IGLON5: variants seen among roughly 807,000 people sequenced by gnomAD.
The protein encoded by IGLON5 is IgLON family member 5, also known as Ig-like domain-containing protein ENSP00000270642.
In IGLON5, 16 loss-of-function variants were observed where a neutral mutation model predicts 38.2. The ratio of observed to expected loss-of-function variants is 0.42; its 90% confidence interval spans 0.28 to 0.64. The LOEUF is 0.64. Ranked by LOEUF, IGLON5 falls within the 30% of genes least tolerant of loss-of-function variation. The pLI is 0.23. For missense variants in IGLON5, 366 were observed against 483.4 expected, an observed-to-expected ratio of 0.76 and a Z score of 2.28; for synonymous variants, 207 against 216.4, an observed-to-expected ratio of 0.96 and a Z score of 0.38.
Position 51,327,992 on chromosome 19 carries a change from A to C in IGLON5, c.922+106A>C. 8.4e-7 allele frequency: 1 copy of C among 1,184,840 alleles called. No homozygotes were observed. The highest frequency in any genetic ancestry group is 1.6e-5 in the South Asian group (1 of 62,056). The allele number at this position is 1,184,840 out of a possible 1,614,324, so 73.4% of individuals were successfully genotyped here. ...CCTTCAGGCTGGCCCTGAACTTAGG[A>C]GATGGACGCTGAGACTGAAAAGCAA... On this transcript the variant is annotated intron_variant, in intron 7 of 7. Transcript: ENST00000270642. The surrounding 1 kb of genome is among the most constrained non-coding windows in gnomAD (Gnocchi z 7.1).
rs1985182958 is a variant in IGLON5, at chr19:51,325,209, G to A, written c.392-137G>A. 8.1e-7 allele frequency: 1 copy of A among 1,236,574 alleles called. No homozygotes were observed. The highest frequency in any genetic ancestry group is 1.1e-6 in the Non-Finnish European group (1 of 887,070). 76.6% of individuals were successfully genotyped at this position (1,236,574 alleles called of 1,614,324 possible). A position where few individuals can be genotyped will look rare whatever the true frequency, so the allele number is the denominator to read the frequency against. ...GGTCTGAACTCCCGGGTCTGAGGGA[G>A]GAGGGGCTGGGGGTCTGAACTCCTG... On this transcript the variant is annotated intron_variant, in intron 3 of 7. Transcript: ENST00000270642. The surrounding 1 kb of genome is among the most constrained non-coding windows in gnomAD (Gnocchi z 5.5).
In IGLON5 at chr19:51,311,904, C is replaced by T. The variant is rs1984773576; in HGVS notation, c.57C>T (p.Ala19=). 4 of 1,365,564 alleles carry T rather than the reference C, an allele frequency of 2.9e-6. No individual in the cohort carries two copies. The highest frequency in any genetic ancestry group is 3.0e-5 in the African/African-American group (2 of 65,954). 84.6% of individuals were successfully genotyped at this position (1,365,564 alleles called of 1,614,324 possible). ...RLRLLAAAAL[A]GLAVISRGLL... ...GGCTTCTCGCCGCCGCCGCCCTGGCCGGCTTGGCCGTCATCAGCCGAGGTA... is the reference window on the plus strand; with the variant it reads ...GGCTTCTCGCCGCCGCCGCCCTGGCTGGCTTGGCCGTCATCAGCCGAGGTA... Residue 19 remains alanine, a synonymous_variant, in exon 1 of 8, where the codon GCC becomes GCT. Transcript: ENST00000270642.
chr19:51,324,281 C>T lies in IGLON5; in HGVS notation c.391+387C>T, dbSNP rs1301993553. On this transcript the variant is annotated intron_variant, in intron 3 of 7. Coordinates refer to ENST00000270642, the MANE Select transcript of IGLON5 (RefSeq NM_001101372.3). This position sits in a 1 kb window ranked among gnomAD's most constrained non-coding sequence, Gnocchi z 4.2. ...GGACTTCCCAGACGTGACGTCTGAG[C>T]TGACGCCTTTGGCTGGGCACAGGGC... 6.6e-6 allele frequency among the ~76,000 whole-genome samples: 1 copy of T among 152,196 alleles called. No homozygotes were observed. The highest frequency in any genetic ancestry group is 2.4e-5 in the African/African-American group (1 of 41,448).
chr19:51,326,646 C>G (rs999523208), intron 4 of IGLON5, 118 bp from the exon 5 acceptor site: 2 of 526,582 alleles, frequency 3.8e-6, no homozygotes, highest in Non-Finnish European at 6.5e-6. Context: ...CCCATTGACC[C>G]GGGCACTCCA....
Position 51,325,035 on chromosome 19 carries a change from G to A in IGLON5, c.392-311G>A, listed in dbSNP as rs1985177316. Among the ~76,000 whole-genome samples, 1 of 152,094 alleles carries A rather than the reference G, an allele frequency of 6.6e-6. No homozygotes were observed. Among genetic ancestry groups the A allele is most frequent in the South Asian group, 2.1e-4 (1 of 4,818 alleles). On this transcript the variant is annotated intron_variant, in intron 3 of 7. Coordinates refer to ENST00000270642, the MANE Select transcript of IGLON5 (RefSeq NM_001101372.3). This position sits in a 1 kb window ranked among gnomAD's most constrained non-coding sequence, Gnocchi z 5.5. ...ATGGAGAAACCAAGTTAGGATGAAG[G>A]TGGAGAGAGAATAGAGACAAGACCA...
At chr19:51,328,544 G>A (rs1686485637) in intron 7 of IGLON5, 127 bp from the exon 8 acceptor site, 1 of 439,706 alleles carries the variant, frequency 2.3e-6, no homozygotes, top group Non-Finnish European at 4.1e-6. Context: ...AGAAAAGCAG[G>A]CACACCCAAT....
intron 1 of IGLON5, 78 bp downstream of exon 1, chr19:51,312,004 G>A: frequency 1.3e-6 from 1 of 776,598 alleles, no homozygotes; most frequent in Non-Finnish European, 1.7e-6. Context: ...CAGGGGTGGG[G>A]GTCGAGGGCT....
chr19:51,316,498 C>CTTTTTTTTTTTTTTTTTTTTTTTTT (rs542147400), intron 1 of IGLON5, among the ~76,000 whole-genome samples: 2 of 136,096 alleles, frequency 1.5e-5, no homozygotes, highest in Admixed American at 7.4e-5. Context: ...CTTTTCTTTT[C>CTTTTTTTTTTTTTTTTTTTTTTTTT]TTTTTTTTTT....
intron 1 of IGLON5, among the ~76,000 whole-genome samples, chr19:51,312,848 C>T (rs976882646): frequency 1.3e-5 from 2 of 152,084 alleles, no homozygotes; most frequent in African/African-American, 2.4e-5. Flanking sequence ...TAGGGCCTGG[C>T]AGGCAGGGGG....
chr19:51,316,280 G>C (rs1984921823), intron 1 of IGLON5, among the ~76,000 whole-genome samples: 1 of 149,408 alleles, frequency 6.7e-6, no homozygotes, highest in African/African-American at 2.5e-5. Context: ...GGGAGGTGGA[G>C]GTTGCAGTGA....
rs1313495709 is a variant in IGLON5 at position 51,327,410 on chromosome 19, C to A, written c.767+210C>A. 1.3e-5 allele frequency among the ~76,000 whole-genome samples: 2 copies of A among 152,112 alleles called. No individual in the cohort carries two copies. The highest frequency in any genetic ancestry group is 4.8e-5 in the African/African-American group (2 of 41,412). ...GATGAATGCTGGAACCCCGTCTCCC[C>A]GGACTTTTCAGGGAGCTGGCCAGGG... On this transcript the variant is annotated intron_variant, in intron 6 of 7. Transcript: ENST00000270642. This position sits in a 1 kb window ranked among gnomAD's most constrained non-coding sequence, Gnocchi z 7.1.
Position 51,322,063 on chromosome 19 carries a change from G to C in IGLON5, c.80-1G>C. 4 of 1,613,008 alleles carry C rather than the reference G, an allele frequency of 2.5e-6. No homozygotes were observed. Among genetic ancestry groups the C allele is most frequent in the Non-Finnish European group, 3.4e-6 (4 of 1,179,802 alleles). ...GGCTGAGCCACCCCCACCTTCCACAGGGCTGCTCTCCCAGAGCCTGGAGTT... is the reference window on the plus strand; with the variant it reads ...GGCTGAGCCACCCCCACCTTCCACACGGCTGCTCTCCCAGAGCCTGGAGTT... On this transcript the variant is annotated splice_acceptor_variant, in intron 1 of 7. Transcript: ENST00000270642. LOFTEE classifies it high-confidence loss of function.
At chr19:51,313,644 TCTTTTTC>T (rs1984830832) in intron 1 of IGLON5, among the ~76,000 whole-genome samples, 1 of 89,786 alleles carries the variant, frequency 1.1e-5, no homozygotes, top group African/African-American at 1.7e-4. Context: ...TCTCTCTCTC[TCTTTTTC>T]TTTCTTTCTT....
Position 51,311,696 on chromosome 19 carries a change from G to GC in IGLON5, c.-145dup, listed in dbSNP as rs1430472355. Among the ~76,000 whole-genome samples, 432 of 106,606 alleles carry GC rather than the reference G, an allele frequency of 4.1e-3. 6 individuals are homozygous for GC. The highest frequency in any genetic ancestry group is 6.5e-3 in the Non-Finnish European group (324 of 49,796). The allele number at this position is 106,606 out of a possible 152,430, so 69.9% of individuals were successfully genotyped here. On this transcript the variant is annotated 5_prime_UTR_variant, in exon 1 of 8. Coordinates refer to ENST00000270642, the MANE Select transcript of IGLON5 (RefSeq NM_001101372.3). ...GCAGCAGCTCCAGCCGCCTCGTCGC[G>GC]CCCCCCCAGCCCCCTCCCCCCGCCC...
In IGLON5 at chr19:51,328,825, G is replaced by A. The variant is rs1428377580; in HGVS notation, c.*66G>A. On this transcript the variant is annotated 3_prime_UTR_variant, in exon 8 of 8. Transcript: ENST00000270642. ...CAGGCCAAGAGTGAGAGAAACGGGGGAGCAAGAGCCGTGGGTCTCGTGGGG... is the reference window on the plus strand; with the variant it reads ...CAGGCCAAGAGTGAGAGAAACGGGGAAGCAAGAGCCGTGGGTCTCGTGGGG... 1 of 1,216,632 alleles carries A rather than the reference G, an allele frequency of 8.2e-7. No homozygotes were observed. The highest frequency in any genetic ancestry group is 1.1e-6 in the Non-Finnish European group (1 of 876,516). 75.4% of individuals were successfully genotyped at this position (1,216,632 alleles called of 1,614,324 possible).
At chr19:51,319,084 G>A (rs535438393) in intron 1 of IGLON5, among the ~76,000 whole-genome samples, 66 of 152,334 alleles carry the variant, frequency 4.3e-4, no homozygotes, top group Non-Finnish European at 6.2e-4. Flanking sequence ...AATGTCAGCC[G>A]TGCTGAGGTT....
In IGLON5 at chr19:51,330,011, A is replaced by G. The variant is rs1985315403; in HGVS notation, c.*1252A>G. 1 of 152,260 alleles carries G rather than the reference A, an allele frequency of 6.6e-6. No homozygotes were observed. The highest frequency in any genetic ancestry group is 2.4e-5 in the African/African-American group (1 of 41,456). 9.4% of individuals were successfully genotyped at this position (152,260 alleles called of 1,614,324 possible). A position where few individuals can be genotyped will look rare whatever the true frequency, so the allele number is the denominator to read the frequency against. ...TAGGAACACTCCACCCTGGTACACC[A>G]CACCACACAAAGTGGGGGACAGAGA... On this transcript the variant is annotated 3_prime_UTR_variant, in exon 8 of 8. Transcript: ENST00000270642.
intron 2 of IGLON5, among the ~76,000 whole-genome samples, chr19:51,322,675 C>CTT (rs1389979689): frequency 7.0e-6 from 1 of 142,198 alleles, no homozygotes; most frequent in Non-Finnish European, 1.5e-5. Context: ...CTCTCTGGAT[C>CTT]TGTCTCTGGG....
intron 1 of IGLON5, 115 bp downstream of exon 1, chr19:51,312,041 CCCGGGACG>C: frequency 2.0e-6 from 1 of 502,454 alleles, no homozygotes; most frequent in Non-Finnish European, 3.0e-6. Flanking sequence ...GCGGGGAGGC[CCCGGGACG>C]CCGGGGTCTG....
Sources: allele counts gnomAD v4.1 joint callset (sites outside exome capture counted in the v4.1 genomes callset), GRCh38; gene constraint gnomAD v4.1.1; non-coding constraint Gnocchi (gnomAD v3.1); transcripts MANE v1.5; gene names NCBI Gene and HGNC (gene_info 2026-07-23, HGNC 2026-07-21).